FBXO27: variants seen among roughly 807,000 people sequenced by gnomAD.
FBXO27 encodes the protein F-box protein 27.
In FBXO27, 28 loss-of-function variants were observed where a neutral mutation model predicts 28.3. That is an observed-to-expected ratio of 0.99 (90% CI 0.73 to 1.36). FBXO27 has a LOEUF of 1.36. Ranked by LOEUF, FBXO27 falls within the 40% of genes most tolerant of loss-of-function variation. The pLI is 0.00. For synonymous variants in FBXO27, 175 were observed against 167.3 expected (o/e 1.05, Z -0.36); for missense variants, 388 against 394.1 (o/e 0.98, Z 0.13).
chr19:39,031,095 A>G lies in FBXO27; in HGVS notation c.506T>C (p.Leu169Pro). ...SWCCKKQVLDLEEEGLWPELL... is the reference protein window; with the variant it reads ...SWCCKKQVLDPEEEGLWPELL... ...TTCTGGCCACAGACCCTCCTCCTCTAGGTCCAAGACCTGCTTCTTGCAACA... is the reference window on the plus strand; with the variant it reads ...TTCTGGCCACAGACCCTCCTCCTCTGGGTCCAAGACCTGCTTCTTGCAACA... Residue 169 changes from leucine to proline, a missense_variant, in exon 4 of 6, where the codon CTA (leucine) becomes CCA (proline). Transcript: ENST00000292853. The G allele has an allele frequency of 6.2e-7, 1 of 1,614,124 alleles. No homozygotes were observed. Among genetic ancestry groups the G allele is most frequent in the Non-Finnish European group, 8.5e-7 (1 of 1,179,998 alleles).
In FBXO27 at chr19:39,016,350, A is replaced by G. The variant is rs74776438; in HGVS notation, c.92-1803T>C. 2.4e-3 allele frequency among the ~76,000 whole-genome samples: 363 copies of G among 150,120 alleles called. 9 individuals are homozygous for G. The East Asian group carries it at 0.064, about 26-fold the overall frequency. ...TACCACTCTGGTGGGGGATGTTGAT[A>G]GCGGGAAGGGTGTGTGTGTGTGTGT... On this transcript the variant is annotated intron_variant, in intron 1 of 2. Coordinates refer to the FBXO27 transcript ENST00000598394.
chr19:39,032,076 C>T lies in FBXO27; in HGVS notation c.152G>A (p.Arg51His). Residue 51 changes from arginine to histidine, a missense_variant, in exon 2 of 6, where the codon CGC (arginine) becomes CAC (histidine). By Grantham distance (29) the Arg-to-His change is conservative (BLOSUM62 0). Transcript: ENST00000292853. This position sits in a 1 kb window ranked among gnomAD's most constrained non-coding sequence, Gnocchi z 4.7. ...GGCTCGCCAGCCCCGGCACACTTGG[C>T]GGCAGCGCCCGAGCAGCGTGCGCGG... is the stretch of plus-strand genomic sequence containing the variant. ...VPPRTLLGRC[R>H]QVCRGWRALV... 5 of 1,530,570 alleles carry T rather than the reference C, an allele frequency of 3.3e-6. No individual in the cohort carries two copies. The highest frequency in any genetic ancestry group is 4.4e-6 in the Non-Finnish European group (5 of 1,144,866). The allele number at this position is 1,530,570 out of a possible 1,614,324, so 94.8% of individuals were successfully genotyped here. A position where few individuals can be genotyped will look rare whatever the true frequency, so the allele number is the denominator to read the frequency against.
chr19:39,019,435 A>G (rs2072835110), downstream of FBXO27, among the ~76,000 whole-genome samples: 1 of 8,256 alleles, frequency 1.2e-4, no homozygotes, highest in African/African-American at 3.4e-4. Context: ...AAAAAAAAAA[A>G]AAAAAAAAAA....
intron 4 of FBXO27, chr19:39,030,557 C>T (rs1403193328): frequency 1.1e-5 from 2 of 174,678 alleles, no homozygotes; most frequent in African/African-American, 2.4e-5. Context: ...AGTGTGTACT[C>T]TGCTAATTAC....
chr19:39,019,153 G>A (rs1040177339), downstream of FBXO27, among the ~76,000 whole-genome samples: 8 of 151,098 alleles, frequency 5.3e-5, no homozygotes, highest in East Asian at 1.9e-4. Context: ...TGCCGAGCAC[G>A]GTAGCTCACG....
chr19:39,022,712 G>A (rs2072851403), downstream of FBXO27, among the ~76,000 whole-genome samples: 1 of 152,180 alleles, frequency 6.6e-6, no homozygotes, highest in Non-Finnish European at 1.5e-5. Flanking sequence ...TGCCTCCCGG[G>A]TTCAAGCGAT....
intron 1 of FBXO27, among the ~76,000 whole-genome samples, chr19:39,016,549 C>T (rs2072820856): frequency 3.5e-5 from 5 of 142,474 alleles, no homozygotes; most frequent in South Asian, 2.2e-4. Context: ...CTCAGGAGTT[C>T]GAGACCAGCC....
downstream of FBXO27, among the ~76,000 whole-genome samples, chr19:39,021,566 T>C (rs147193027): frequency 0.02 from 3,055 of 152,318 alleles, 51 homozygotes; most frequent in Middle Eastern, 0.078. Flanking sequence ...TATAATAACA[T>C]ACAACATATG....
intron 2 of FBXO27, among the ~76,000 whole-genome samples, chr19:39,011,729 G>C (rs1387062026): frequency 6.6e-6 from 1 of 151,254 alleles, no homozygotes; most frequent in Non-Finnish European, 1.5e-5. Context: ...GCCCCGGCTG[G>C]TCTTGAACTC....
intron 2 of FBXO27, 71 bp from the exon 3 acceptor site, chr19:39,031,391 CT>C: frequency 7.1e-7 from 1 of 1,401,886 alleles, no homozygotes; most frequent in Non-Finnish European, 1.0e-6. Flanking sequence ...GACCCCGCCC[CT>C]AGCCCCTCCC....
chr19:39,026,178 C>T (rs2072872062), intron 5 of FBXO27, among the ~76,000 whole-genome samples: 1 of 152,022 alleles, frequency 6.6e-6, no homozygotes, highest in Non-Finnish European at 1.5e-5. Flanking sequence ...TCTCTGGAAC[C>T]CTCCTCCCTG....
intron 1 of FBXO27, among the ~76,000 whole-genome samples, chr19:39,015,788 C>T (rs962528121): frequency 2.0e-5 from 3 of 148,674 alleles, no homozygotes; most frequent in East Asian, 2.1e-4. Flanking sequence ...AATCAGTGGT[C>T]GGCCAGGCGA....
intron 4 of FBXO27, among the ~76,000 whole-genome samples, chr19:39,027,425 T>G (rs2072879442): frequency 6.6e-6 from 1 of 152,158 alleles, no homozygotes; most frequent in Non-Finnish European, 1.5e-5. Flanking sequence ...GTGAACTCCC[T>G]TGGTCAACAA....
intron 1 of FBXO27, among the ~76,000 whole-genome samples, chr19:39,015,256 T>C (rs758846436): frequency 3.5e-4 from 44 of 125,388 alleles, no homozygotes; most frequent in Non-Finnish European, 5.9e-4. Context: ...GAGGCAGAGG[T>C]TGCAGTGAGC....
At chr19:39,027,705 G>A (rs891677465) in intron 4 of FBXO27, among the ~76,000 whole-genome samples, 1 of 151,944 alleles carries the variant, frequency 6.6e-6, no homozygotes, top group Non-Finnish European at 1.5e-5. Flanking sequence ...GTAGAGATGG[G>A]GTTTTGCCAT....
intron 2 of FBXO27, among the ~76,000 whole-genome samples, chr19:39,010,621 AAC>A (rs1211429145): frequency 2.6e-5 from 4 of 152,200 alleles, no homozygotes; most frequent in Non-Finnish European, 5.9e-5. Context: ...TTGCCATCGC[AAC>A]ACCAGGGGGT....
intron 1 of FBXO27, among the ~76,000 whole-genome samples, chr19:39,018,090 C>G (rs2072828212): frequency 6.6e-6 from 1 of 152,144 alleles, no homozygotes; most frequent in Admixed American, 6.6e-5. Flanking sequence ...AAGCAATCCT[C>G]CTGCCTCAGC....
rs148778766 is a variant in FBXO27, at chr19:39,024,524, C to G, written c.*887G>C. 4.5e-3 allele frequency: 683 copies of G among 151,714 alleles called. 6 individuals are homozygous for G. The highest frequency in any genetic ancestry group is 0.015 in the African/African-American group (639 of 41,266). 9.4% of individuals were successfully genotyped at this position (151,714 alleles called of 1,614,324 possible). ...ACAGGTGTGAGCCACCCTGCCTGAT[C>G]CAAACTTTTTCTTTTTGAGACGGAG... On this transcript the variant is annotated 3_prime_UTR_variant, in exon 6 of 6. Transcript: ENST00000292853.
In FBXO27 at chr19:39,032,362, C is replaced by A. The variant is rs1280286732; in HGVS notation, c.-26-109G>T. 5.5e-6 allele frequency: 7 copies of A among 1,270,080 alleles called. No individual in the cohort carries two copies. The highest frequency in any genetic ancestry group is 6.1e-6 in the Non-Finnish European group (6 of 981,732). The allele number at this position is 1,270,080 out of a possible 1,614,324, so 78.7% of individuals were successfully genotyped here. On this transcript the variant is annotated intron_variant, in intron 1 of 5. Transcript: ENST00000292853. The surrounding 1 kb of genome is among the most constrained non-coding windows in gnomAD (Gnocchi z 4.7). ...CACCCCCGTCTTCACCATCCCTGGG[C>A]CCCGTCCCCAAGTCCCCATCCCCCA...
Sources: allele counts gnomAD v4.1 joint callset (sites outside exome capture counted in the v4.1 genomes callset), GRCh38; gene constraint gnomAD v4.1.1; non-coding constraint Gnocchi (gnomAD v3.1); transcripts MANE v1.5; gene names NCBI Gene and HGNC (gene_info 2026-07-23, HGNC 2026-07-21).